LMNTD1: variants seen among roughly 807,000 people sequenced by gnomAD.
LMNTD1 encodes the protein lamin tail domain-containing protein 1.
LMNTD1 carries 35 observed loss-of-function variants against 50.9 expected under a neutral mutation model. The ratio of observed to expected loss-of-function variants is 0.69; its 90% CI spans 0.53 to 0.91. The LOEUF is 0.91. Among genes scored for constraint, LMNTD1 ranks in the 40% least tolerant of loss-of-function variants. The probability of loss-of-function intolerance (pLI) is 0.00; values close to 1 mark genes in which losing one functional copy is unlikely to be tolerated. For missense variants in LMNTD1, 470 were observed against 475.5 expected (o/e 0.99, Z 0.11); for synonymous variants, 153 against 161.9 (o/e 0.94, Z 0.42).
intron 1 of LMNTD1, among the ~76,000 whole-genome samples, chr12:25,584,218 A>G (rs1405837704): frequency 2.0e-5 from 3 of 152,196 alleles, no homozygotes; most frequent in Admixed American, 2.0e-4. Flanking sequence ...ATATGTGATG[A>G]ATATATATGA....
chr12:25,643,159 T>C (rs1009258190), intron 1 of LMNTD1, among the ~76,000 whole-genome samples: 14 of 152,304 alleles, frequency 9.2e-5, no homozygotes, highest in Admixed American at 5.2e-4. Flanking sequence ...ATAAGAGTCA[T>C]ACAGCAAGTC....
chr12:25,585,408 G>C (rs1945477723), intron 1 of LMNTD1, among the ~76,000 whole-genome samples: 1 of 152,182 alleles, frequency 6.6e-6, no homozygotes, highest in African/African-American at 2.4e-5. Context: ...ACCTTACTCT[G>C]TGATGAAACA....
chr12:25,507,005 G>A (rs1257151673), intron 8 of LMNTD1, among the ~76,000 whole-genome samples: 1 of 151,798 alleles, frequency 6.6e-6, no homozygotes, highest in Admixed American at 6.6e-5. Flanking sequence ...TCGGCCTCCC[G>A]AGTAGCTGGG....
At chr12:25,647,864 C>T (rs964456990) in intron 1 of LMNTD1, among the ~76,000 whole-genome samples, 1 of 152,222 alleles carries the variant, frequency 6.6e-6, no homozygotes, top group African/African-American at 2.4e-5. Context: ...TTCATAGGAA[C>T]TGTCAAATAA....
intron 4 of LMNTD1, among the ~76,000 whole-genome samples, chr12:25,537,348 G>A (rs1387921672): frequency 6.6e-6 from 1 of 152,180 alleles, no homozygotes; most frequent in Non-Finnish European, 1.5e-5. Flanking sequence ...AGAGAGCAGG[G>A]GTTCTCCCAG....
intron 1 of LMNTD1, among the ~76,000 whole-genome samples, chr12:25,611,899 G>A (rs899995057): frequency 1.3e-5 from 2 of 152,154 alleles, no homozygotes; most frequent in African/African-American, 4.8e-5. Flanking sequence ...TGCCAGTTCT[G>A]ATCCATAACA....
At chr12:25,495,487 G>C (rs1005444662) in intron 9 of LMNTD1, among the ~76,000 whole-genome samples, 1 of 152,030 alleles carries the variant, frequency 6.6e-6, no homozygotes, top group African/African-American at 2.4e-5. Context: ...ACAGAGTGCT[G>C]TTGCTAACTT....
At chr12:25,559,060 T>C (rs1467906699) in intron 1 of LMNTD1, among the ~76,000 whole-genome samples, 1 of 152,072 alleles carries the variant, frequency 6.6e-6, no homozygotes, top group Non-Finnish European at 1.5e-5. Flanking sequence ...ATAATTATTA[T>C]TATACTTTAA....
chr12:25,506,397 C>G (rs574841299), intron 8 of LMNTD1, among the ~76,000 whole-genome samples: 1 of 152,234 alleles, frequency 6.6e-6, no homozygotes, highest in Admixed American at 6.5e-5. Context: ...AGAAGACAGG[C>G]AAAGCGCATT....
intron 9 of LMNTD1, among the ~76,000 whole-genome samples, chr12:25,486,862 A>T (rs1179230462): frequency 6.6e-6 from 1 of 151,380 alleles, no homozygotes; most frequent in Non-Finnish European, 1.5e-5. Context: ...AGCCCACTTG[A>T]TCATGTTGGA....
chr12:25,483,536 C>T (rs1938513229), intron 9 of LMNTD1, among the ~76,000 whole-genome samples: 1 of 151,768 alleles, frequency 6.6e-6, no homozygotes, highest in Admixed American at 6.6e-5. Context: ...CTTTGGGAGG[C>T]CGAGGTGGGT....
At chr12:25,647,789 T>C (rs1336434581) in intron 1 of LMNTD1, among the ~76,000 whole-genome samples, 1 of 152,220 alleles carries the variant, frequency 6.6e-6, no homozygotes, top group Non-Finnish European at 1.5e-5. Flanking sequence ...TGAAACTGGG[T>C]AATCTGTCTC....
chr12:25,644,235 G>T (rs1443940018), intron 1 of LMNTD1, among the ~76,000 whole-genome samples: 2 of 150,988 alleles, frequency 1.3e-5, no homozygotes, highest in Non-Finnish European at 2.9e-5. Flanking sequence ...CAGGACTTTG[G>T]GAGGTCAAGG....
At chr12:25,591,798 T>A (rs147130256) in intron 1 of LMNTD1, among the ~76,000 whole-genome samples, 2 of 111,054 alleles carry the variant, frequency 1.8e-5, no homozygotes, top group East Asian at 5.4e-4. Flanking sequence ...CTCCAGCTCC[T>A]AATAGCTCAG....
At chr12:25,519,077 C>T in intron 7 of LMNTD1, 110 bp from the exon 8 acceptor site, 1 of 997,826 alleles carries the variant, frequency 1.0e-6, no homozygotes, top group Non-Finnish European at 1.5e-6. Flanking sequence ...GAGAATATGA[C>T]TTTTTAAACT....
chr12:25,624,855 T>C (rs1158510990), intron 1 of LMNTD1, among the ~76,000 whole-genome samples: 2 of 152,242 alleles, frequency 1.3e-5, no homozygotes, highest in African/African-American at 4.8e-5. Context: ...TTATCCTCCC[T>C]CTAAAGGCAA....
At chr12:25,622,735 TCA>T (rs1946502658) in intron 1 of LMNTD1, among the ~76,000 whole-genome samples, 1 of 152,056 alleles carries the variant, frequency 6.6e-6, no homozygotes, top group Non-Finnish European at 1.5e-5. Flanking sequence ...CCTCACGTAT[TCA>T]GAGATGATCC....
At chr12:25,524,877 T>C (rs1183384605) in intron 6 of LMNTD1, among the ~76,000 whole-genome samples, 1 of 152,176 alleles carries the variant, frequency 6.6e-6, no homozygotes, top group Non-Finnish European at 1.5e-5. Flanking sequence ...TGCTAAGTTA[T>C]ATCTCATGGG....
At chr12:25,493,633 T>C (rs987870064) in intron 9 of LMNTD1, among the ~76,000 whole-genome samples, 1 of 152,198 alleles carries the variant, frequency 6.6e-6, no homozygotes, top group Non-Finnish European at 1.5e-5. Flanking sequence ...TTGTCAGTGA[T>C]TGGGGCAGAC....
Sources: gnomAD v4.1 joint callset for allele counts (sites outside exome capture counted in the v4.1 genomes callset) on GRCh38, gnomAD v4.1.1 for gene constraint, MANE v1.5 for transcripts, NCBI Gene and HGNC (gene_info 2026-07-23, HGNC 2026-07-21) for gene names.